TSPAN5: variants seen among roughly 807,000 people sequenced by gnomAD.
TSPAN5 encodes tetraspanin-5.
A neutral mutation model predicts 37.1 loss-of-function variants in TSPAN5; 10 were observed. The observed-to-expected ratio is 0.27, with a 90% CI of 0.17 to 0.46. TSPAN5 has a LOEUF of 0.46. Ranked by LOEUF, TSPAN5 falls within the 20% of genes least tolerant of loss-of-function variation. The probability of loss-of-function intolerance (pLI) is 1.00; values close to 1 mark genes in which losing one functional copy is unlikely to be tolerated. For synonymous variants in TSPAN5, 110 were observed against 118.9 expected, an observed-to-expected ratio of 0.93 and a Z score of 0.48; for missense variants, 195 against 326.6, an observed-to-expected ratio of 0.60 and a Z score of 3.11.
intron 1 of TSPAN5, among the ~76,000 whole-genome samples, chr4:98,644,469 T>A (rs1017229600): frequency 6.6e-6 from 1 of 152,158 alleles, no homozygotes; most frequent in South Asian, 2.1e-4. Context: ...AAAAGCAATA[T>A]TGATGTTCCC....
At chr4:98,604,909 T>C (rs1755969554) in intron 1 of TSPAN5, among the ~76,000 whole-genome samples, 1 of 152,096 alleles carries the variant, frequency 6.6e-6, no homozygotes, top group Non-Finnish European at 1.5e-5. Context: ...TCAGCTGAGA[T>C]TCCTCAACCC....
chr4:98,501,788 A>G (rs571441071), intron 2 of TSPAN5, among the ~76,000 whole-genome samples: 2 of 152,334 alleles, frequency 1.3e-5, no homozygotes, highest in East Asian at 3.9e-4. Context: ...TTTGAGTGAG[A>G]AGATAAGCTC....
rs988010415 is a variant in TSPAN5, at chr4:98,610,515, A to G, written c.81+47631T>C. On this transcript the variant is annotated intron_variant, in intron 1 of 7. Transcript: ENST00000305798. The stretch of plus-strand genomic sequence containing the variant: ...ATTTGAGGTTCAAAATTATCTACAT[A>G]AGTAGGCCCTTCATGATGAGCAGGG... Among the ~76,000 whole-genome samples, 3 of 152,330 alleles carry G rather than the reference A, an allele frequency of 2.0e-5. No homozygotes were observed. In the East Asian group the frequency reaches 5.8e-4, roughly 29 times the overall value.
At chr4:98,590,857 CT>C (rs1426475238) in intron 1 of TSPAN5, among the ~76,000 whole-genome samples, 1 of 152,128 alleles carries the variant, frequency 6.6e-6, no homozygotes, top group Non-Finnish European at 1.5e-5. Flanking sequence ...GAAATGGCTC[CT>C]TTAGCCTAAT....
intron 1 of TSPAN5, among the ~76,000 whole-genome samples, chr4:98,531,554 A>C (rs1277265716): frequency 6.6e-6 from 1 of 152,184 alleles, no homozygotes; most frequent in African/African-American, 2.4e-5. Flanking sequence ...TTATAGAATG[A>C]TTTATAATCC....
At chr4:98,572,970 C>T (rs1309455081) in intron 1 of TSPAN5, among the ~76,000 whole-genome samples, 1 of 152,166 alleles carries the variant, frequency 6.6e-6, no homozygotes, top group African/African-American at 2.4e-5. Flanking sequence ...GTCTCTAAGT[C>T]CTCATAAAAC....
At chr4:98,558,239 A>C (rs1031414173) in intron 1 of TSPAN5, among the ~76,000 whole-genome samples, 2 of 150,458 alleles carry the variant, frequency 1.3e-5, no homozygotes, top group Non-Finnish European at 3.0e-5. Context: ...TCATACATTT[A>C]TTTCTCTGCA....
chr4:98,544,929 G>A (rs796375953), intron 1 of TSPAN5, among the ~76,000 whole-genome samples: 20 of 152,328 alleles, frequency 1.3e-4, no homozygotes, highest in African/African-American at 4.3e-4. Flanking sequence ...AGTGTGTGAT[G>A]GGCATCTGCT....
intron 1 of TSPAN5, among the ~76,000 whole-genome samples, chr4:98,623,433 A>T (rs927972710): frequency 6.6e-6 from 1 of 152,232 alleles, no homozygotes; most frequent in Non-Finnish European, 1.5e-5. Flanking sequence ...TTAGAGTCCA[A>T]TCAAAAGATG....
At chr4:98,473,546 G>A (rs536808204) in intron 7 of TSPAN5, among the ~76,000 whole-genome samples, 4 of 149,378 alleles carry the variant, frequency 2.7e-5, no homozygotes, top group East Asian at 2.0e-4. Flanking sequence ...TGCAAGCTCC[G>A]CTTCCCGGGT....
intron 2 of TSPAN5, among the ~76,000 whole-genome samples, chr4:98,491,663 G>A (rs1753088943): frequency 6.8e-6 from 1 of 147,730 alleles, no homozygotes; most frequent in Non-Finnish European, 1.5e-5. Context: ...ACTCCAGCCT[G>A]GTGACAGAGC....
chr4:98,626,649 T>G (rs527846157), intron 1 of TSPAN5, among the ~76,000 whole-genome samples: 23 of 152,230 alleles, frequency 1.5e-4, no homozygotes, highest in Admixed American at 7.9e-4. Flanking sequence ...ACCGCTTTCC[T>G]GCAGCTAGCC....
chr4:98,529,593 C>T lies in TSPAN5; in HGVS notation c.82-21865G>A, dbSNP rs1754037194. Among the ~76,000 whole-genome samples the T allele has an allele frequency of 3.3e-5, 5 of 152,294 alleles. No individual in the cohort carries two copies. In the South Asian group the frequency reaches 1.0e-3, roughly 32 times the overall value. ...CTGAGCTTACGAGACATTAAGTAGC[C>T]TGGACTAGAGTTGCTACCTACCTAG... On this transcript the variant is annotated intron_variant, in intron 1 of 7. Transcript: ENST00000305798.
intron 1 of TSPAN5, among the ~76,000 whole-genome samples, chr4:98,600,217 T>G (rs1206954305): frequency 6.6e-6 from 1 of 152,136 alleles, no homozygotes; most frequent in Non-Finnish European, 1.5e-5. Context: ...TTTTTGCTGG[T>G]GGGGGGCCTT....
intron 1 of TSPAN5, among the ~76,000 whole-genome samples, chr4:98,516,117 G>A (rs899088125): frequency 5.9e-5 from 9 of 152,066 alleles, no homozygotes; most frequent in Admixed American, 1.3e-4. Flanking sequence ...AATATTAATC[G>A]AGTTAGCTCC....
chr4:98,555,201 C>T (rs886287945), intron 1 of TSPAN5, among the ~76,000 whole-genome samples: 4 of 152,196 alleles, frequency 2.6e-5, no homozygotes, highest in Non-Finnish European at 4.4e-5. Flanking sequence ...GTGCACCATA[C>T]GATACTTCAT....
chr4:98,648,334 G>A (rs1757112876), intron 1 of TSPAN5, among the ~76,000 whole-genome samples: 1 of 152,320 alleles, frequency 6.6e-6, no homozygotes, highest in African/African-American at 2.4e-5. Context: ...AACAGCAACA[G>A]TGGATGGGGA....
intron 1 of TSPAN5, among the ~76,000 whole-genome samples, chr4:98,572,209 G>T (rs1293272462): frequency 6.6e-6 from 1 of 152,100 alleles, no homozygotes; most frequent in African/African-American, 2.4e-5. Flanking sequence ...GATCTCAAGT[G>T]ATCCGCTGGT....
intron 1 of TSPAN5, among the ~76,000 whole-genome samples, chr4:98,543,485 G>A (rs1467896276): frequency 3.3e-5 from 5 of 150,040 alleles, no homozygotes; most frequent in South Asian, 2.1e-4. Context: ...GCGTGATCTC[G>A]GCTCACCACA....
Sources: allele counts gnomAD v4.1 joint callset (sites outside exome capture counted in the v4.1 genomes callset), GRCh38; gene constraint gnomAD v4.1.1; transcripts MANE v1.5; gene names NCBI Gene and HGNC (gene_info 2026-07-23, HGNC 2026-07-21).